Variants in CCDC141 observed in about 807,000 individuals in gnomAD.
The protein encoded by CCDC141 is coiled-coil domain-containing protein 141.
Under a neutral mutation model 181.0 loss-of-function variants are expected in CCDC141, and 168 were observed. The ratio of observed to expected loss-of-function variants is 0.93; its 90% CI spans 0.82 to 1.05. CCDC141 has a LOEUF of 1.05. Among genes scored for constraint, CCDC141 ranks in the 50% least tolerant of loss-of-function variants. The probability of loss-of-function intolerance (pLI) is 0.00; values close to 1 mark genes in which losing one functional copy is unlikely to be tolerated. For missense variants in CCDC141, 1,902 were observed against 1,788.5 expected (o/e 1.06, Z -1.14); for synonymous variants, 666 against 642.3 (o/e 1.04, Z -0.56).
At chr2:178,978,173 GT>G (rs1299367045) in intron 3 of CCDC141, among the ~76,000 whole-genome samples, 1 of 152,136 alleles carries the variant, frequency 6.6e-6, no homozygotes, top group Non-Finnish European at 1.5e-5. Context: ...GTTTGATTTA[GT>G]AACTGTATTA....
At chr2:178,816,632 G>A in the CCDC141 span, among the ~76,000 whole-genome samples, 2 of 152,132 alleles carry the variant, frequency 1.3e-5, no homozygotes, top group Non-Finnish European at 2.9e-5. Context: ...CTTCCAAAGT[G>A]GCTCTGCCGT....
intron 2 of CCDC141, among the ~76,000 whole-genome samples, chr2:178,984,910 G>C (rs994400227): frequency 8.0e-5 from 12 of 150,626 alleles, no homozygotes; most frequent in East Asian, 7.8e-4. Context: ...AGATCAACGA[G>C]ACAGAAAGTC....
intron 2 of CCDC141, among the ~76,000 whole-genome samples, chr2:179,012,849 A>C (rs1575342981): frequency 6.6e-6 from 1 of 152,194 alleles, no homozygotes; most frequent in Non-Finnish European, 1.5e-5. Context: ...ACGTAAACAG[A>C]ATTAAAAGCA....
intron 23 of CCDC141, among the ~76,000 whole-genome samples, chr2:178,834,896 G>A (rs866024827): frequency 3.0e-4 from 46 of 151,618 alleles, no homozygotes; most frequent in African/African-American, 1.0e-3. Context: ...AACTGGTGGC[G>A]AGAGAATTGC....
intron 2 of CCDC141, among the ~76,000 whole-genome samples, chr2:179,011,582 C>A (rs1354383963): frequency 6.6e-6 from 1 of 152,162 alleles, no homozygotes; most frequent in Middle Eastern, 3.4e-3. Flanking sequence ...AGAAAGTCAA[C>A]AAAGAAACAA....
intron 4 of CCDC141, among the ~76,000 whole-genome samples, chr2:178,966,166 G>A (rs1559013156): frequency 6.6e-6 from 1 of 152,214 alleles, no homozygotes; most frequent in Non-Finnish European, 1.5e-5. Context: ...GAGCACCTGG[G>A]GAAAGGGGCG....
At chr2:178,945,160 T>C (rs1056539853) in intron 5 of CCDC141, among the ~76,000 whole-genome samples, 2 of 152,164 alleles carry the variant, frequency 1.3e-5, no homozygotes, top group Non-Finnish European at 2.9e-5. Flanking sequence ...AACATTTACA[T>C]TGACTTGATT....
intron 17 of CCDC141, among the ~76,000 whole-genome samples, chr2:178,863,261 C>G (rs1685698971): frequency 6.6e-6 from 1 of 152,200 alleles, no homozygotes; most frequent in Non-Finnish European, 1.5e-5. Context: ...ACATACTGAA[C>G]TGGACATTCT....
chr2:178,987,365 C>CT (rs1691804091), intron 2 of CCDC141, among the ~76,000 whole-genome samples: 1 of 151,922 alleles, frequency 6.6e-6, no homozygotes, highest in Admixed American at 6.6e-5. Flanking sequence ...CATAAAAACC[C>CT]TAGAAGAAAA....
chr2:179,028,554 C>G (rs1309795903), intron 2 of CCDC141, among the ~76,000 whole-genome samples: 1 of 152,178 alleles, frequency 6.6e-6, no homozygotes, highest in Non-Finnish European at 1.5e-5. Context: ...AAAGGACATT[C>G]TGATTCAAAA....
Position 179,050,109 on chromosome 2 carries a change from A to G in CCDC141, c.-168T>C. 9.7e-7 allele frequency: 1 copy of G among 1,029,314 alleles called. No individual in the cohort carries two copies. The highest frequency in any genetic ancestry group is 1.3e-6 in the Non-Finnish European group (1 of 740,798). The allele number at this position is 1,029,314 out of a possible 1,614,324, so 63.8% of individuals were successfully genotyped here. On this transcript the variant is annotated 5_prime_UTR_variant, in exon 1 of 24. An upstream start codon of the reference 5' UTR is lost. Coordinates refer to ENST00000443758, the MANE Select transcript of CCDC141 (RefSeq NM_173648.4). Reference sequence around the variant, plus strand: ...CAGGAGGTTAAAAATAGACAACCCCATTGAGTTTATCGTGAGAGAGAAAGG... The same window carrying G: ...CAGGAGGTTAAAAATAGACAACCCCGTTGAGTTTATCGTGAGAGAGAAAGG...
chr2:178,816,332 C>A, the CCDC141 span, among the ~76,000 whole-genome samples: 1 of 152,190 alleles, frequency 6.6e-6, no homozygotes, highest in Admixed American at 6.5e-5. Flanking sequence ...TTTCACTTAG[C>A]AATATGCATT....
intron 1 of CCDC141, among the ~76,000 whole-genome samples, chr2:179,049,089 T>C (rs1345115637): frequency 6.6e-6 from 1 of 152,228 alleles, no homozygotes; most frequent in South Asian, 2.1e-4. Context: ...AGCTTTTTTT[T>C]ACAGGGCATT....
intron 21 of CCDC141, among the ~76,000 whole-genome samples, chr2:178,849,033 T>C (rs4893856): frequency 0.36 from 54,898 of 151,744 alleles, 10,504 homozygotes; most frequent in African/African-American, 0.48. Context: ...TAAAAAAAAA[T>C]CTAGATTTTT....
At chr2:178,958,927 G>C (rs1451244615) in intron 5 of CCDC141, among the ~76,000 whole-genome samples, 1 of 150,208 alleles carries the variant, frequency 6.7e-6, no homozygotes, top group African/African-American at 2.5e-5. Context: ...ATCTGGATAA[G>C]AGATGTTGAG....
chr2:178,971,531 G>C (rs1690887716), intron 4 of CCDC141, among the ~76,000 whole-genome samples: 1 of 152,150 alleles, frequency 6.6e-6, no homozygotes, highest in Non-Finnish European at 1.5e-5. Flanking sequence ...CAAGGATCTA[G>C]AACTAGAAAT....
At chr2:178,895,032 A>C (rs1461914602) in intron 8 of CCDC141, among the ~76,000 whole-genome samples, 1 of 151,924 alleles carries the variant, frequency 6.6e-6, no homozygotes, top group Non-Finnish European at 1.5e-5. Flanking sequence ...CACCTACTCT[A>C]CCCCACATTA....
chr2:178,941,647 A>G (rs1196067613), intron 6 of CCDC141, among the ~76,000 whole-genome samples: 1 of 151,202 alleles, frequency 6.6e-6, no homozygotes, highest in Non-Finnish European at 1.5e-5. Context: ...AAATAAACGA[A>G]CCTCCCCCTT....
At chr2:178,982,733 C>A (rs1353623682) in intron 2 of CCDC141, among the ~76,000 whole-genome samples, 1 of 152,174 alleles carries the variant, frequency 6.6e-6, no homozygotes, top group Non-Finnish European at 1.5e-5. Flanking sequence ...GGGTCACTCC[C>A]ACCCGAATAC....
Sources: allele counts gnomAD v4.1 joint callset (sites outside exome capture counted in the v4.1 genomes callset), GRCh38; gene constraint gnomAD v4.1.1; transcripts MANE v1.5; gene names NCBI Gene and HGNC (gene_info 2026-07-23, HGNC 2026-07-21).